CFAP92: variants seen among roughly 807,000 people sequenced by gnomAD.
CFAP92 encodes uncharacterized protein CFAP92.
In CFAP92, 86 loss-of-function variants were observed where a neutral mutation model predicts 106.3. The ratio of observed to expected loss-of-function variants is 0.81; its 90% CI spans 0.68 to 0.97. CFAP92 has a LOEUF of 0.97. Among genes scored for constraint, CFAP92 ranks in the 50% least tolerant of loss-of-function variants. The pLI is 0.00. For synonymous variants in CFAP92, 477 were observed against 506.4 expected, an observed-to-expected ratio of 0.94 and a Z score of 0.78; for missense variants, 1,204 against 1,283.8, an observed-to-expected ratio of 0.94 and a Z score of 0.95.
At chr3:129,011,101 C>G in the CFAP92 span, among the ~76,000 whole-genome samples, 3 of 152,128 alleles carry the variant, frequency 2.0e-5, no homozygotes, top group African/African-American at 7.2e-5. Flanking sequence ...GGGAGTGTGA[C>G]CTGCAGCAAG....
rs1457534326 is a variant in CFAP92, at chr3:128,932,754, C to T, written c.2697G>A (p.Gln899=). 3 of 1,535,916 alleles carry T rather than the reference C, an allele frequency of 2.0e-6. No homozygotes were observed. The South Asian group carries it at 3.6e-5, about 18-fold the overall frequency. ...EIHAHQEKYL[Q]WRSAMLMKNK... is the part of the protein sequence containing the mutation. ...TCTTCATAAGCATGGCACTCCGCCA[C>T]TGCAGGTACTTCTCCTGGTGGGCGT... The change falls in exon 12 of 16, where the codon CAG becomes CAA. Residue 899 remains glutamine (Q), a synonymous_variant. Transcript: ENST00000645291.
Position 128,935,151 on chromosome 3 carries a change from C to T in CFAP92, c.2427G>A (p.Arg809=). Residue 809 remains arginine (R), a synonymous_variant, in exon 11 of 16, where the codon CGG becomes CGA. Transcript: ENST00000645291. ...TGGCTAGAGCCTGGAAGACCCGCCTCCGCTCAGTGTCTCGCAGGAAGAACA... is the reference window on the plus strand; with the variant it reads ...TGGCTAGAGCCTGGAAGACCCGCCTTCGCTCAGTGTCTCGCAGGAAGAACA... ...QAVFFLRDTE[R]RRVFQALARI... is the part of the protein sequence containing the mutation. 6.5e-7 allele frequency: 1 copy of T among 1,533,966 alleles called. No individual in the cohort carries two copies. Among genetic ancestry groups the T allele is most frequent in the Non-Finnish European group, 8.7e-7 (1 of 1,145,576 alleles).
intron 4 of CFAP92, among the ~76,000 whole-genome samples, chr3:128,978,737 A>G (rs1667388564): frequency 6.6e-6 from 1 of 152,242 alleles, no homozygotes; most frequent in Admixed American, 6.5e-5. Flanking sequence ...GGTGCTGGGA[A>G]AACTGGCTAG....
chr3:129,022,270 T>C, the CFAP92 span, among the ~76,000 whole-genome samples: 5,866 of 152,272 alleles, frequency 0.039, 385 homozygotes, highest in African/African-American at 0.13. Flanking sequence ...TGTTGACTGA[T>C]TAATCAATGA....
chr3:128,998,676 T>C (rs917714907), upstream of CFAP92, among the ~76,000 whole-genome samples: 6 of 152,230 alleles, frequency 3.9e-5, no homozygotes, highest in Non-Finnish European at 5.9e-5. Context: ...TGGGCATCTG[T>C]GGGGGATGAC....
chr3:128,933,078 A>G (rs531024069), intron 11 of CFAP92, 81 bp from the exon 12 acceptor site: 2 of 1,302,816 alleles, frequency 1.5e-6, no homozygotes, highest in East Asian at 5.0e-5. Flanking sequence ...ACAGCAGGAA[A>G]TGAACACTCA....
At chr3:128,917,729 T>C (rs1362954845) in intron 12 of CFAP92, among the ~76,000 whole-genome samples, 3 of 152,144 alleles carry the variant, frequency 2.0e-5, no homozygotes, top group Non-Finnish European at 4.4e-5. Context: ...GAATGAGATA[T>C]ATTGCAGAAG....
At chr3:129,022,869 G>C in the CFAP92 span, among the ~76,000 whole-genome samples, 1 of 152,360 alleles carries the variant, frequency 6.6e-6, no homozygotes, top group African/African-American at 2.4e-5. Context: ...GGGCCGGAAA[G>C]CACAGGGCAG....
At chr3:128,990,396 C>G (rs1944139589) in intron 2 of CFAP92, among the ~76,000 whole-genome samples, 1 of 151,824 alleles carries the variant, frequency 6.6e-6, no homozygotes, top group South Asian at 2.1e-4. Flanking sequence ...GCTTGGGAGG[C>G]TGAGGCAGGA....
chr3:128,916,322 C>CA, intron 12 of CFAP92, 51 bp from the exon 13 acceptor site: 1 of 1,160,040 alleles, frequency 8.6e-7, no homozygotes, highest in South Asian at 4.4e-5. Flanking sequence ...CCTCACCCCC[C>CA]ATGCCAGCTC....
At position 128,932,722 on chromosome 3, in the gene CFAP92, T is replaced by C; in HGVS notation, c.2729A>G (p.Asp910Gly). ...CACCTGGATGAAACTGTGCTTTTTGTCTTTGTTCTTCATAAGCATGGCACT... is the reference window on the plus strand; with the variant it reads ...CACCTGGATGAAACTGTGCTTTTTGCCTTTGTTCTTCATAAGCATGGCACT... ...WRSAMLMKNK[D>G]KKHSFIQKNI... is the part of the protein sequence containing the mutation. Residue 910 changes from aspartate to glycine, a missense_variant, in exon 12 of 16, where the codon GAC (aspartate) becomes GGC (glycine). Transcript: ENST00000645291. The C allele has an allele frequency of 1.3e-6, 2 of 1,533,714 alleles. No homozygotes were observed. Among genetic ancestry groups the C allele is most frequent in the South Asian group, 1.2e-5 (1 of 83,942 alleles).
upstream of CFAP92, among the ~76,000 whole-genome samples, chr3:129,006,612 G>A (rs754493147): frequency 3.9e-5 from 6 of 152,268 alleles, no homozygotes; most frequent in South Asian, 2.1e-4. Flanking sequence ...CACTGTGCCC[G>A]GCCAAAAGTG....
intron 9 of CFAP92, among the ~76,000 whole-genome samples, chr3:128,949,648 A>G (rs578010747): frequency 4.1e-4 from 62 of 152,362 alleles, no homozygotes; most frequent in African/African-American, 1.5e-3. Flanking sequence ...ACAGAACTGT[A>G]TCCTAACTGT....
At chr3:128,912,445 A>T in intron 15 of CFAP92, 1 of 1,490,198 alleles carries the variant, frequency 6.7e-7, no homozygotes. Flanking sequence ...CCCCCACTTC[A>T]GCCATGTTTG....
At chr3:128,983,488 C>T (rs1026645635) in intron 4 of CFAP92, among the ~76,000 whole-genome samples, 1 of 152,136 alleles carries the variant, frequency 6.6e-6, no homozygotes, top group Non-Finnish European at 1.5e-5. Context: ...TTGTCCCCAG[C>T]CAGAGTGTCA....
the CFAP92 span, among the ~76,000 whole-genome samples, chr3:129,016,958 G>A: frequency 3.5e-3 from 532 of 152,326 alleles, 3 homozygotes; most frequent in Middle Eastern, 0.027. Context: ...AAGTCCAGGG[G>A]AGAGCAGTTC....
At chr3:128,960,643 C>A (rs1456377301) in intron 9 of CFAP92, among the ~76,000 whole-genome samples, 1 of 152,254 alleles carries the variant, frequency 6.6e-6, no homozygotes, top group African/African-American at 2.4e-5. Context: ...TATACACCCA[C>A]GTTTCAAGGG....
At chr3:129,004,012 G>A, upstream of CFAP92, 3 of 1,507,208 alleles carry the variant, frequency 2.0e-6, no homozygotes, top group Non-Finnish European at 2.6e-6. Flanking sequence ...TGGAGGCGCT[G>A]GCGCAACAGG....
At position 128,994,015 on chromosome 3, in the gene CFAP92, G is replaced by A; in HGVS notation, c.-68C>T. 2.0e-6 allele frequency: 2 copies of A among 987,460 alleles called. No individual in the cohort carries two copies. The highest frequency in any genetic ancestry group is 2.4e-6 in the Non-Finnish European group (2 of 831,022). 61.2% of individuals were successfully genotyped at this position (987,460 alleles called of 1,614,324 possible). A position where few individuals can be genotyped will look rare whatever the true frequency, so the allele number is the denominator to read the frequency against. ...ATGCGCTGGGCGGCAGCGGGGAGTT[G>A]GACCGCGGCGGCAACTCCCGTACCG... On this transcript the variant is annotated 5_prime_UTR_variant, in exon 1 of 16. Transcript: ENST00000645291.
Sources: allele counts gnomAD v4.1 joint callset (sites outside exome capture counted in the v4.1 genomes callset), GRCh38; gene constraint gnomAD v4.1.1; transcripts MANE v1.5; gene names NCBI Gene and HGNC (gene_info 2026-07-23, HGNC 2026-07-21).